WSCD1: variants seen among roughly 807,000 people sequenced by gnomAD.
WSCD1 encodes the protein sialate:O-sulfotransferase 1.
A neutral mutation model predicts 60.4 loss-of-function variants in WSCD1; 41 were observed. The observed-to-expected ratio is 0.68, with a 90% CI of 0.53 to 0.88. WSCD1 has a LOEUF of 0.88. Among genes scored for constraint, WSCD1 ranks in the 40% least tolerant of loss-of-function variants. The pLI, the probability that WSCD1 is intolerant of heterozygous loss-of-function variation, is 0.00. For synonymous variants in WSCD1, 361 were observed against 332.5 expected (o/e 1.09, Z -0.93); for missense variants, 784 against 796.2 (o/e 0.98, Z 0.18).
chr17:6,095,564 A>G (rs1303987930), intron 5 of WSCD1, among the ~76,000 whole-genome samples: 2 of 152,212 alleles, frequency 1.3e-5, no homozygotes, highest in South Asian at 4.1e-4. Context: ...ACTTGGGGAT[A>G]GCTGATGGAT....
At chr17:6,104,020 G>C (rs563089869) in intron 5 of WSCD1, among the ~76,000 whole-genome samples, 13 of 152,300 alleles carry the variant, frequency 8.5e-5, no homozygotes, top group South Asian at 4.1e-4. Flanking sequence ...TTTGGCTCAT[G>C]GTTCTGCAAG....
At chr17:6,083,516 A>C (rs1011559208) in intron 2 of WSCD1, among the ~76,000 whole-genome samples, 6 of 152,230 alleles carry the variant, frequency 3.9e-5, no homozygotes, top group African/African-American at 1.4e-4. Context: ...AAGCGCTAGG[A>C]TTACAGGCGT....
At chr17:6,096,894 G>T (rs1190556654) in intron 5 of WSCD1, among the ~76,000 whole-genome samples, 1 of 152,218 alleles carries the variant, frequency 6.6e-6, no homozygotes, top group East Asian at 1.9e-4. Context: ...AACCAGCTTG[G>T]ATAGTCCTGC....
At chr17:6,076,475 G>A (rs932439643) in intron 1 of WSCD1, among the ~76,000 whole-genome samples, 1 of 152,166 alleles carries the variant, frequency 6.6e-6, no homozygotes, top group Non-Finnish European at 1.5e-5. Flanking sequence ...CTTCACCAGT[G>A]GCACAGCTAC....
At chr17:6,084,308 G>A (rs1909479384) in intron 2 of WSCD1, among the ~76,000 whole-genome samples, 1 of 152,280 alleles carries the variant, frequency 6.6e-6, no homozygotes, top group Non-Finnish European at 1.5e-5. Flanking sequence ...ATGGTCATCA[G>A]AGAATGGGGG....
At chr17:6,092,085 C>T (rs1176901414) in intron 4 of WSCD1, among the ~76,000 whole-genome samples, 5 of 139,330 alleles carry the variant, frequency 3.6e-5, no homozygotes, top group East Asian at 2.2e-4. Flanking sequence ...ACCCGGGAGG[C>T]GGAGGTTGCA....
At chr17:6,069,304 A>G (rs543922401), upstream of WSCD1, 22 of 398,610 alleles carry the variant, frequency 5.5e-5, no homozygotes, top group South Asian at 5.1e-4. Context: ...CCTGGGAAAA[A>G]TCTTTAGGTT....
intron 7 of WSCD1, 100 bp downstream of exon 7, chr17:6,111,035 A>C: frequency 7.0e-7 from 1 of 1,437,736 alleles, no homozygotes; most frequent in Non-Finnish European, 9.3e-7. Context: ...GTGCATCTCA[A>C]ACTTGAGTGT....
intron 7 of WSCD1, among the ~76,000 whole-genome samples, chr17:6,114,923 T>C (rs771331780): frequency 2.6e-5 from 4 of 152,104 alleles, no homozygotes; most frequent in Non-Finnish European, 4.4e-5. Context: ...CTCCCACTTA[T>C]GAGTGAGAAC....
intron 1 of WSCD1, among the ~76,000 whole-genome samples, chr17:6,073,356 C>T (rs1597347485): frequency 6.6e-6 from 1 of 152,160 alleles, no homozygotes; most frequent in African/African-American, 2.4e-5. Flanking sequence ...CCAGGCCAGG[C>T]GTGGTGGCTC....
rs369189290 is a variant in WSCD1, at chr17:6,080,533, G to T, written c.-126G>T. ...GGGCAGGAACAGTGAGTGACCCCAG[G>T]CGAGCACAGGCAGGTGCCAGGAGCC... On this transcript the variant is annotated 5_prime_UTR_variant, in exon 2 of 9. Transcript: ENST00000317744. The surrounding 1 kb of genome is among the most constrained non-coding windows in gnomAD (Gnocchi z 6.6). 4 of 976,978 alleles carry T rather than the reference G, an allele frequency of 4.1e-6. No homozygotes were observed. The African/African-American group carries it at 6.6e-5, about 16-fold the overall frequency. The allele number at this position is 976,978 out of a possible 1,614,324, so 60.5% of individuals were successfully genotyped here.
At position 6,080,217 on chromosome 17, in the gene WSCD1, A is replaced by G; in HGVS notation, c.-288-154A>G. On this transcript the variant is annotated intron_variant, in intron 1 of 8. Coordinates refer to ENST00000317744, the MANE Select transcript of WSCD1 (RefSeq NM_015253.2). This position sits in a 1 kb window ranked among gnomAD's most constrained non-coding sequence, Gnocchi z 6.6. ...CCCAGTGTCACACAGCTGGCCAGTA[A>G]CAAAGCTGGGATTTAAACCTGGCTT... 5.3e-6 allele frequency: 1 copy of G among 190,152 alleles called. No individual in the cohort carries two copies. The highest frequency in any genetic ancestry group is 1.1e-4 in the South Asian group (1 of 8,970). 11.8% of individuals were successfully genotyped at this position (190,152 alleles called of 1,614,324 possible).
In WSCD1 at chr17:6,090,462, C is replaced by T. The variant is rs757757866; in HGVS notation, c.684C>T (p.Leu228=). The T allele has an allele frequency of 1.2e-6, 2 of 1,613,298 alleles. No individual in the cohort carries two copies. The highest frequency in any genetic ancestry group is 1.3e-5 in the African/African-American group (1 of 74,898). The part of the protein sequence containing the change: ...KGSVCGAVDR[L]SVYRVDELQP... ...CTGTGTGCGGGGCTGTGGACCGGCT[C>T]TCCGTGTACCGTGTGGACGAGCTGC... The change falls in exon 4 of 9, where the codon CTC becomes CTT. Residue 228 remains leucine, a synonymous_variant. Transcript: ENST00000317744.
chr17:6,117,932 G>A, intron 7 of WSCD1, 56 bp from the exon 8 acceptor site: 1 of 1,568,544 alleles, frequency 6.4e-7, no homozygotes, highest in South Asian at 1.1e-5. Flanking sequence ...TGCTGCTATG[G>A]TAGGGTGCCC....
At chr17:6,088,170 A>C in intron 3 of WSCD1, 66 bp downstream of exon 3, 1 of 1,373,308 alleles carries the variant, frequency 7.3e-7, no homozygotes, top group Non-Finnish European at 1.0e-6. Context: ...TTCCAGAATG[A>C]GGAGGCATAT....
chr17:6,109,586 C>T (rs1186454578), intron 5 of WSCD1, 21 bp from the exon 6 acceptor site: 2 of 1,611,304 alleles, frequency 1.2e-6, no homozygotes, highest in South Asian at 1.1e-5. Context: ...GTGTGCTTCT[C>T]TTCTTATCGT....
intron 7 of WSCD1, among the ~76,000 whole-genome samples, chr17:6,115,520 T>C (rs1215147282): frequency 6.6e-6 from 1 of 151,890 alleles, no homozygotes; most frequent in East Asian, 1.9e-4. Flanking sequence ...TTGGCAAAAA[T>C]GTATTAAAAT....
chr17:6,076,891 C>G (rs1908895972), intron 1 of WSCD1, among the ~76,000 whole-genome samples: 2 of 152,180 alleles, frequency 1.3e-5, no homozygotes, highest in Non-Finnish European at 2.9e-5. Flanking sequence ...CTTTTGGGTT[C>G]ATTCACTTAG....
intron 2 of WSCD1, among the ~76,000 whole-genome samples, chr17:6,081,416 A>C (rs1156407919): frequency 6.6e-6 from 1 of 152,048 alleles, no homozygotes; most frequent in Non-Finnish European, 1.5e-5. Flanking sequence ...GTTTCATTGA[A>C]TATATGAAAA....
Sources: allele counts gnomAD v4.1 joint callset (sites outside exome capture counted in the v4.1 genomes callset), GRCh38; gene constraint gnomAD v4.1.1; non-coding constraint Gnocchi (gnomAD v3.1); transcripts MANE v1.5; gene names NCBI Gene and HGNC (gene_info 2026-07-23, HGNC 2026-07-21).